CEP63: variants seen among roughly 807,000 people sequenced by gnomAD.
The protein encoded by CEP63 is centrosomal protein 63, also known as centrosomal protein of 63 kDa.
CEP63 carries 84 observed loss-of-function variants against 89.1 expected under a neutral mutation model. The observed-to-expected ratio is 0.94, with a 90% CI of 0.79 to 1.13. The LOEUF (loss-of-function observed/expected upper bound fraction) is 1.13, where lower values mean the gene tolerates loss of function less well. Ranked by LOEUF, CEP63 falls within the 50% of genes most tolerant of loss-of-function variation. The pLI is 0.00. For synonymous variants in CEP63, 267 were observed against 272.5 expected (o/e 0.98, Z 0.20); for missense variants, 838 against 813.3 (o/e 1.03, Z -0.37).
At chr3:134,528,559 T>C (rs868706294) in intron 3 of CEP63, among the ~76,000 whole-genome samples, 3 of 114,848 alleles carry the variant, frequency 2.6e-5, no homozygotes, top group African/African-American at 8.7e-5. Context: ...GAGGGGTGTG[T>C]GTGTGTGTGC....
the CEP63 span, among the ~76,000 whole-genome samples, chr3:134,750,856 A>C: frequency 6.6e-6 from 1 of 152,298 alleles, no homozygotes; most frequent in South Asian, 2.1e-4. Context: ...ATTGAGATGA[A>C]ATTTCTACAA....
At chr3:134,509,852 T>C (rs886913975) in intron 3 of CEP63, among the ~76,000 whole-genome samples, 1 of 152,220 alleles carries the variant, frequency 6.6e-6, no homozygotes, top group Non-Finnish European at 1.5e-5. Flanking sequence ...AGGTTTTGAG[T>C]ATATATAAAT....
intron 3 of CEP63, among the ~76,000 whole-genome samples, chr3:134,508,714 CAA>C (rs1944101740): frequency 1.3e-5 from 2 of 152,064 alleles, no homozygotes; most frequent in African/African-American, 4.8e-5. Flanking sequence ...AAATTTCTCT[CAA>C]AGAGAAATTA....
chr3:134,499,467 G>T (rs974149335), intron 2 of CEP63, among the ~76,000 whole-genome samples: 3 of 151,714 alleles, frequency 2.0e-5, no homozygotes, highest in Non-Finnish European at 4.4e-5. Flanking sequence ...CCAACTTTTT[G>T]TTTCATTGAT....
At chr3:134,519,522 GAAATA>G (rs1559926046) in intron 3 of CEP63, among the ~76,000 whole-genome samples, 1 of 152,114 alleles carries the variant, frequency 6.6e-6, no homozygotes. Context: ...GACATTTTAA[GAAATA>G]AGTAACATGA....
intron 9 of CEP63, among the ~76,000 whole-genome samples, 156 bp downstream of exon 9, chr3:134,547,628 T>TTTTTTTTTTTTTTTTTTTA: frequency 8.2e-6 from 1 of 122,690 alleles, no homozygotes; most frequent in Non-Finnish European, 1.7e-5. Flanking sequence ...TTTTTTTTTT[T>TTTTTTTTTTTTTTTTTTTA]TGAGACGGAG....
At chr3:134,668,885 C>T in the CEP63 span, among the ~76,000 whole-genome samples, 1 of 152,208 alleles carries the variant, frequency 6.6e-6, no homozygotes, top group Non-Finnish European at 1.5e-5. Context: ...CCTTCACTCC[C>T]AACCCCAACC....
chr3:134,591,723 C>CA (rs1289897202), downstream of CEP63, among the ~76,000 whole-genome samples: 51 of 151,842 alleles, frequency 3.4e-4, no homozygotes, highest in African/African-American at 1.2e-3. Context: ...ACAAAAAAAA[C>CA]AAAAAAAATT....
the CEP63 span, among the ~76,000 whole-genome samples, chr3:134,713,874 T>C: frequency 1.3e-5 from 2 of 152,216 alleles, no homozygotes; most frequent in African/African-American, 4.8e-5. Context: ...TCCTTCTAAG[T>C]TCTTGAGATT....
At chr3:134,614,796 A>C in the CEP63 span, among the ~76,000 whole-genome samples, 1 of 152,156 alleles carries the variant, frequency 6.6e-6, no homozygotes, top group Non-Finnish European at 1.5e-5. Context: ...GTCAGTACCA[A>C]GGCCAGGCCC....
chr3:134,578,199 A>G (rs570293068), downstream of CEP63, among the ~76,000 whole-genome samples: 46 of 152,272 alleles, frequency 3.0e-4, no homozygotes, highest in South Asian at 7.7e-3. Flanking sequence ...TCACCATGCT[A>G]TCTTCCACAA....
At chr3:134,623,731 C>A in the CEP63 span, among the ~76,000 whole-genome samples, 83 of 152,268 alleles carry the variant, frequency 5.5e-4, no homozygotes, top group African/African-American at 1.9e-3. Context: ...AGGTAAGGTG[C>A]ACTTTGATGC....
At chr3:134,690,460 T>G in the CEP63 span, among the ~76,000 whole-genome samples, 1 of 152,080 alleles carries the variant, frequency 6.6e-6, no homozygotes, top group Non-Finnish European at 1.5e-5. Flanking sequence ...TGCAATAGAG[T>G]GTTTATTCAC....
At chr3:134,528,559 T>TGTGTGTGCGC (rs1553763878) in intron 3 of CEP63, among the ~76,000 whole-genome samples, 3 of 114,956 alleles carry the variant, frequency 2.6e-5, no homozygotes, top group East Asian at 2.8e-4. Context: ...GAGGGGTGTG[T>TGTGTGTGCGC]GTGTGTGTGC....
At chr3:134,753,775 G>A in the CEP63 span, among the ~76,000 whole-genome samples, 2 of 152,210 alleles carry the variant, frequency 1.3e-5, no homozygotes, top group Admixed American at 6.5e-5. Flanking sequence ...GTTCAGAGAG[G>A]TGGGGTAACT....
chr3:134,546,110 AAAG>A (rs758938800), intron 7 of CEP63, 36 bp from the exon 8 acceptor site: 1 of 1,609,336 alleles, frequency 6.2e-7, no homozygotes, highest in South Asian at 1.1e-5. Context: ...CAGGAATTAA[AAAG>A]AAGGAAAATT....
intron 6 of CEP63, among the ~76,000 whole-genome samples, chr3:134,538,533 G>GTATATATGTATATA (rs1951281884): frequency 9.9e-6 from 1 of 101,372 alleles, no homozygotes; most frequent in Admixed American, 1.3e-4. Context: ...GTGTGTGTGT[G>GTATATATGTATATA]TATATATATA....
chr3:134,663,896 C>T, the CEP63 span, among the ~76,000 whole-genome samples: 1 of 152,228 alleles, frequency 6.6e-6, no homozygotes, highest in East Asian at 1.9e-4. Context: ...GCCAGGCCTT[C>T]TCCCACTGCA....
In CEP63 at chr3:134,529,339, C is replaced by CTTTTTTTT. The variant is rs66493822; in HGVS notation, c.223-2494_223-2487dup. ...TTATAAAAGAACAAATCCCCATTGA[C>CTTTTTTTT]TTTTTTTTTTTTTTTTTTTGAGACT... On this transcript the variant is annotated intron_variant, in intron 3 of 14. Coordinates refer to ENST00000675561, the MANE Select transcript of CEP63 (RefSeq NM_001353108.3). Among the ~76,000 whole-genome samples the CTTTTTTTT allele has an allele frequency of 1.0e-4, 12 of 116,924 alleles. 2 individuals carry two copies. Among genetic ancestry groups the CTTTTTTTT allele is most frequent in the East Asian group, 2.5e-4 (1 of 4,048 alleles). The allele number at this position is 116,924 out of a possible 152,430, so 76.7% of individuals were successfully genotyped here. A position where few individuals can be genotyped will look rare whatever the true frequency, so the allele number is the denominator to read the frequency against.
Sources: gnomAD v4.1 joint callset for allele counts (sites outside exome capture counted in the v4.1 genomes callset) on GRCh38, gnomAD v4.1.1 for gene constraint, MANE v1.5 for transcripts, NCBI Gene and HGNC (gene_info 2026-07-23, HGNC 2026-07-21) for gene names.